Variants in SLC7A2 observed in about 807,000 individuals in gnomAD.
SLC7A2 encodes cationic amino acid transporter 2.
Under a neutral mutation model 58.9 loss-of-function variants are expected in SLC7A2, and 48 were observed. That is an observed-to-expected ratio of 0.82 (90% confidence interval 0.65 to 1.04). The LOEUF (loss-of-function observed/expected upper bound fraction) is 1.04, where lower values mean the gene tolerates loss of function less well. Ranked by LOEUF, SLC7A2 falls within the 50% of genes least tolerant of loss-of-function variation. The pLI is 0.00. For synonymous variants in SLC7A2, 363 were observed against 314.5 expected (o/e 1.15, Z -1.63); for missense variants, 1,029 against 818.8 (o/e 1.26, Z -3.13).
At chr8:17,552,031 A>G (rs1802479944) in intron 7 of SLC7A2, 45 bp downstream of exon 7, 1 of 1,516,198 alleles carries the variant, frequency 6.6e-7, no homozygotes, top group Non-Finnish European at 9.1e-7. Context: ...GGGACTCTAC[A>G]AAGTAGTCAG....
Position 17,568,583 on chromosome 8 carries a change from T to A in SLC7A2, c.*3437T>A, listed in dbSNP as rs903367624. The A allele has an allele frequency of 1.1e-4, 16 of 152,140 alleles. No homozygotes were observed. The highest frequency in any genetic ancestry group is 3.9e-4 in the African/African-American group (16 of 41,460). 9.4% of individuals were successfully genotyped at this position (152,140 alleles called of 1,614,324 possible). A position where few individuals can be genotyped will look rare whatever the true frequency, so the allele number is the denominator to read the frequency against. On this transcript the variant is annotated 3_prime_UTR_variant, in exon 13 of 13. Transcript: ENST00000494857. ...TTTGTTTTCTTTTAATTTCTATGAA[T>A]AAAAGAAATTTTTAAAAACTTTAAA...
intron 7 of SLC7A2, among the ~76,000 whole-genome samples, chr8:17,553,600 G>A (rs904942664): frequency 1.3e-5 from 2 of 152,072 alleles, no homozygotes; most frequent in African/African-American, 4.8e-5. Flanking sequence ...GCAAGGCTCG[G>A]TCTCCACAAA....
At chr8:17,510,570 T>C (rs755529111) in intron 2 of SLC7A2, 5 of 152,222 alleles carry the variant, frequency 3.3e-5, no homozygotes, top group Non-Finnish European at 5.9e-5. Flanking sequence ...GATTTGCATT[T>C]CTCTAATGAT....
intron 2 of SLC7A2, among the ~76,000 whole-genome samples, chr8:17,525,403 A>T (rs1316977307): frequency 6.6e-6 from 1 of 152,224 alleles, no homozygotes; most frequent in African/African-American, 2.4e-5. Context: ...TGAAACAAGA[A>T]AGTGGCCAAA....
chr8:17,536,535 G>A (rs1563457942), intron 2 of SLC7A2, among the ~76,000 whole-genome samples: 2 of 152,188 alleles, frequency 1.3e-5, no homozygotes, highest in African/African-American at 2.4e-5. Context: ...CTGCACTCCA[G>A]CCTGCCACAA....
intron 2 of SLC7A2, among the ~76,000 whole-genome samples, chr8:17,542,657 A>AAAAAAAAAAAAG (rs78569276): frequency 0.12 from 17,988 of 148,954 alleles, 1,525 homozygotes; most frequent in Non-Finnish European, 0.19. Flanking sequence ...TCTCAAAAAA[A>AAAAAAAAAAAAG]AAAGAAAAAG....
At chr8:17,556,627 G>A (rs1802715828) in intron 8 of SLC7A2, among the ~76,000 whole-genome samples, 1 of 143,864 alleles carries the variant, frequency 7.0e-6, no homozygotes, top group Non-Finnish European at 1.5e-5. Flanking sequence ...TTTTTTTTTT[G>A]AGATAGGGTG....
At chr8:17,495,987 T>C (rs991235032), upstream of SLC7A2, among the ~76,000 whole-genome samples, 7 of 152,236 alleles carry the variant, frequency 4.6e-5, no homozygotes, top group Non-Finnish European at 8.8e-5. Context: ...AAGGGAAGAA[T>C]GATTTAGAAT....
At chr8:17,504,760 T>A (rs1487057402) in intron 2 of SLC7A2, among the ~76,000 whole-genome samples, 1 of 152,256 alleles carries the variant, frequency 6.6e-6, no homozygotes, top group East Asian at 1.9e-4. Flanking sequence ...TCTGAAATTT[T>A]ACTGCAACTC....
chr8:17,525,430 A>T (rs577169271), intron 2 of SLC7A2, among the ~76,000 whole-genome samples: 3 of 152,340 alleles, frequency 2.0e-5, no homozygotes, highest in South Asian at 4.1e-4. Context: ...AGTGGCAATT[A>T]TTAGTATTTG....
At chr8:17,562,955 A>T (rs138502189) in intron 11 of SLC7A2, among the ~76,000 whole-genome samples, 2,158 of 152,190 alleles carry the variant, frequency 0.014, 58 homozygotes, top group Middle Eastern at 0.11. Context: ...AGCCTGGGCA[A>T]CATAGCGAGA....
At chr8:17,543,217 AACAC>A (rs1243072765) in intron 2 of SLC7A2, 97 bp from the exon 3 acceptor site, 9 of 774,738 alleles carry the variant, frequency 1.2e-5, no homozygotes, top group Non-Finnish European at 1.5e-5. Context: ...CACACACACA[AACAC>A]ACACACACAC....
At chr8:17,524,043 A>G (rs186131872) in intron 2 of SLC7A2, among the ~76,000 whole-genome samples, 390 of 152,294 alleles carry the variant, frequency 2.6e-3, no homozygotes, top group Non-Finnish European at 4.4e-3. Context: ...CAAATCAAAA[A>G]CCATAATGCA....
At chr8:17,531,131 G>C (rs1345329629) in intron 2 of SLC7A2, among the ~76,000 whole-genome samples, 1 of 152,176 alleles carries the variant, frequency 6.6e-6, no homozygotes, top group Non-Finnish European at 1.5e-5. Flanking sequence ...CAGAGCCTAA[G>C]ATAGGATATC....
upstream of SLC7A2, among the ~76,000 whole-genome samples, chr8:17,494,729 A>G (rs186123842): frequency 6.6e-6 from 1 of 152,368 alleles, no homozygotes; most frequent in African/African-American, 2.4e-5. Context: ...GTGAGAAATA[A>G]CCAAAGTTAT....
intron 4 of SLC7A2, among the ~76,000 whole-genome samples, chr8:17,548,111 C>A (rs1009431327): frequency 6.6e-6 from 1 of 152,136 alleles, no homozygotes; most frequent in African/African-American, 2.4e-5. Flanking sequence ...GAGGCTGAGG[C>A]AGGCAGATCA....
intron 2 of SLC7A2, among the ~76,000 whole-genome samples, chr8:17,525,935 T>G (rs1801205459): frequency 6.7e-6 from 1 of 149,360 alleles, no homozygotes; most frequent in Non-Finnish European, 1.5e-5. Flanking sequence ...ATAGAATGTT[T>G]GTCTTTTTTC....
chr8:17,562,797 GTT>G (rs910563455), intron 11 of SLC7A2, among the ~76,000 whole-genome samples: 9 of 152,144 alleles, frequency 5.9e-5, no homozygotes, highest in African/African-American at 2.2e-4. Flanking sequence ...TGAGTATTTT[GTT>G]TTTAGAAATT....
At chr8:17,496,109 G>A (rs1467606692), upstream of SLC7A2, among the ~76,000 whole-genome samples, 1 of 152,186 alleles carries the variant, frequency 6.6e-6, no homozygotes, top group Non-Finnish European at 1.5e-5. Context: ...ACTATGCAAA[G>A]TAAAGTGGAC....
Sources: gnomAD v4.1 joint callset for allele counts (sites outside exome capture counted in the v4.1 genomes callset) on GRCh38, gnomAD v4.1.1 for gene constraint, MANE v1.5 for transcripts, NCBI Gene and HGNC (gene_info 2026-07-23, HGNC 2026-07-21) for gene names.